Variants in MYOF observed in about 807,000 individuals in gnomAD.
MYOF encodes fer-1-like 3, myoferlin.
A neutral mutation model predicts 284.2 loss-of-function variants in MYOF; 244 were observed. The observed-to-expected ratio is 0.86, with a 90% CI of 0.77 to 0.95. The LOEUF (loss-of-function observed/expected upper bound fraction) is 0.95. Among genes scored for constraint, MYOF ranks in the 40% least tolerant of loss-of-function variants. The pLI is 0.00. For missense variants in MYOF, 2,496 were observed against 2,560.6 expected (o/e 0.97, Z 0.54); for synonymous variants, 904 against 919.7 (o/e 0.98, Z 0.31).
At position 93,412,151 on chromosome 10, in the gene MYOF, TG is replaced by T. The variant is rs1454216050; in HGVS notation, c.434-2413del. The stretch of plus-strand genomic sequence containing the variant: ...GTCCAGAAAGCTAAGGCAACTTGCC[TG>T]TGGTTAAGTTATTAGAAGCTGAGCT... On this transcript the variant is annotated intron_variant, in intron 5 of 53. Transcript: ENST00000359263. 2.0e-5 allele frequency among the ~76,000 whole-genome samples: 3 copies of T among 152,326 alleles called. No individual in the cohort carries two copies. The East Asian group carries it at 5.8e-4, about 29-fold the overall frequency.
rs1382563621 is a variant in MYOF, at chr10:93,363,962, G to A, written c.2867C>T (p.Ala956Val). The change falls in exon 27 of 54, where the codon GCG (alanine) becomes GTG (valine). Residue 956 changes from alanine to valine, a missense_variant and splice_region_variant. Physicochemically the swap from Ala to Val is moderately conservative, Grantham distance 64. This residue lies in a region of MYOF where 2,436 missense variants were observed against 2,480.7 expected (regional missense o/e 0.98). Coordinates refer to ENST00000359263, the MANE Select transcript of MYOF (RefSeq NM_013451.4). The part of the protein sequence containing the change: ...WKPAEDTYTD[A>V]NGDKAASPSE... ...TTCTCTCCGGAGCAGGCCACTCACC[G>A]CATCCGTGTAGGTGTCCTCGGCCGG... The A allele has an allele frequency of 1.1e-5, 18 of 1,613,646 alleles. No homozygotes were observed. The highest frequency in any genetic ancestry group is 1.4e-5 in the Non-Finnish European group (16 of 1,179,682).
At chr10:93,394,639 T>G (rs1846899313) in intron 16 of MYOF, among the ~76,000 whole-genome samples, 1 of 150,374 alleles carries the variant, frequency 6.7e-6, no homozygotes, top group African/African-American at 2.4e-5. Flanking sequence ...TTTTTGTATT[T>G]TTAATGGAGA....
intron 49 of MYOF, 151 bp from the exon 50 acceptor site, chr10:93,316,964 A>G: frequency 1.6e-6 from 1 of 610,450 alleles, no homozygotes; most frequent in South Asian, 2.1e-5. Context: ...CTGTACAGAG[A>G]GCAGTCAGGC....
At chr10:93,446,357 A>G (rs17108690) in intron 3 of MYOF, among the ~76,000 whole-genome samples, 10,213 of 152,284 alleles carry the variant, frequency 0.067, 918 homozygotes, top group African/African-American at 0.2. Context: ...GATGGCCTTC[A>G]GTCCAAAAGT....
chr10:93,459,588 C>T (rs914051071), intron 1 of MYOF, among the ~76,000 whole-genome samples: 4 of 152,158 alleles, frequency 2.6e-5, no homozygotes, highest in African/African-American at 9.7e-5. Context: ...GTGTTTGCCA[C>T]CATGCCACAG....
rs1218297846 is a variant in MYOF at position 93,445,786 on chromosome 10, C to T, written c.236+6264G>A. Among the ~76,000 whole-genome samples the T allele has an allele frequency of 2.6e-5, 4 of 152,318 alleles. No individual in the cohort carries two copies. The East Asian group carries it at 7.7e-4, about 29-fold the overall frequency. ...TGCAAAGTGAGGGCTCATGTTTGCA[C>T]AGGCCATCGCCATGGCAACAGGAAA... On this transcript the variant is annotated intron_variant, in intron 3 of 53. Coordinates refer to ENST00000359263, the MANE Select transcript of MYOF (RefSeq NM_013451.4).
Position 93,339,037 on chromosome 10 carries a change from G to A in MYOF, c.4338+1116C>T, listed in dbSNP as rs143958771. On this transcript the variant is annotated intron_variant, in intron 39 of 53. Coordinates refer to ENST00000359263, the MANE Select transcript of MYOF (RefSeq NM_013451.4). ...ACTTTTTTTTTTTTTTTTTTGAGAC[G>A]GAGTCTCACTCTGTTGCCCAGCTGG... Among the ~76,000 whole-genome samples the A allele has an allele frequency of 1.1e-3, 123 of 113,648 alleles. 1 individual carries two copies. Among genetic ancestry groups the A allele is most frequent in the African/African-American group, 3.7e-3 (118 of 31,974 alleles). 74.6% of individuals were successfully genotyped at this position (113,648 alleles called of 152,430 possible).
rs116580613 is a variant in MYOF at position 93,329,594 on chromosome 10, G to A, written c.4982+70C>T. On this transcript the variant is annotated intron_variant, in intron 44 of 53. Coordinates refer to ENST00000359263, the MANE Select transcript of MYOF (RefSeq NM_013451.4). Reference sequence around the variant, plus strand: ...CAGTGAAGGAAGGCACTAAGGTAGAGGGCCTAGGCCTCCCCAGGTGCCAAT... The same window carrying A: ...CAGTGAAGGAAGGCACTAAGGTAGAAGGCCTAGGCCTCCCCAGGTGCCAAT... 3.8e-4 allele frequency: 582 copies of A among 1,540,998 alleles called. 3 individuals carry two copies. In the African/African-American group the frequency reaches 7.4e-3, roughly 20 times the overall value.
intron 26 of MYOF, among the ~76,000 whole-genome samples, chr10:93,364,713 G>A (rs7092933): frequency 0.049 from 7,439 of 152,222 alleles, 581 homozygotes; most frequent in African/African-American, 0.17. Context: ...TGGACAACCC[G>A]CAGAGGAAAG....
intron 3 of MYOF, among the ~76,000 whole-genome samples, chr10:93,451,131 G>C (rs945242676): frequency 7.2e-5 from 11 of 152,084 alleles, no homozygotes; most frequent in Non-Finnish European, 1.6e-4. Context: ...CCTGAGGTAA[G>C]GAGTTCAAGA....
intron 16 of MYOF, among the ~76,000 whole-genome samples, chr10:93,394,944 G>C (rs1589497582): frequency 6.6e-6 from 1 of 150,398 alleles, no homozygotes; most frequent in Middle Eastern, 3.2e-3. Context: ...ATAATAACCA[G>C]GTTCTTATTT....
chr10:93,388,925 AG>A, intron 18 of MYOF, 104 bp downstream of exon 18: 1 of 1,414,690 alleles, frequency 7.1e-7, no homozygotes, highest in East Asian at 2.4e-5. Flanking sequence ...TCTAAGTCTT[AG>A]GGAGTATGAA....
At chr10:93,463,811 G>T (rs1187613640) in intron 1 of MYOF, among the ~76,000 whole-genome samples, 1 of 150,078 alleles carries the variant, frequency 6.7e-6, no homozygotes, top group Non-Finnish European at 1.5e-5. Flanking sequence ...GGTCAAGGCT[G>T]CAGTGGCCAC....
chr10:93,448,183 C>A (rs2056488650), intron 3 of MYOF, among the ~76,000 whole-genome samples: 1 of 152,258 alleles, frequency 6.6e-6, no homozygotes, highest in South Asian at 2.1e-4. Flanking sequence ...CTATTCTCTG[C>A]CCAGAATATT....
intron 49 of MYOF, 128 bp downstream of exon 49, chr10:93,319,744 C>T: frequency 7.8e-7 from 1 of 1,274,804 alleles, no homozygotes; most frequent in Non-Finnish European, 1.1e-6. Flanking sequence ...GGCAGATTCC[C>T]CATCTCTGCT....
chr10:93,351,970 A>G lies in MYOF; in HGVS notation c.3482-124T>C, dbSNP rs1844543384. The G allele has an allele frequency of 4.5e-6, 4 of 890,696 alleles. No individual in the cohort carries two copies. The South Asian group carries it at 7.8e-5, about 17-fold the overall frequency. The allele number at this position is 890,696 out of a possible 1,614,324, so 55.2% of individuals were successfully genotyped here. A position where few individuals can be genotyped will look rare whatever the true frequency, so the allele number is the denominator to read the frequency against. Reference sequence around the variant, plus strand: ...CAGTGGGCTCTGACCACCTGCCTGGAGATAGGGTTTCTAGGGAGCAGGGAG... The same window carrying G: ...CAGTGGGCTCTGACCACCTGCCTGGGGATAGGGTTTCTAGGGAGCAGGGAG... On this transcript the variant is annotated intron_variant, in intron 32 of 53. Transcript: ENST00000359263.
chr10:93,425,974 G>T, intron 5 of MYOF, 97 bp downstream of exon 5: 2 of 1,281,136 alleles, frequency 1.6e-6, no homozygotes, highest in Non-Finnish European at 2.2e-6. Flanking sequence ...GGAGCTACAG[G>T]CTTGTGATCA....
intron 29 of MYOF, among the ~76,000 whole-genome samples, chr10:93,359,159 G>A (rs909500544): frequency 1.3e-5 from 2 of 152,100 alleles, no homozygotes; most frequent in African/African-American, 4.8e-5. Flanking sequence ...ACTTAGCCCG[G>A]GTTCCAGCAC....
At chr10:93,407,350 C>T (rs1239313345) in intron 7 of MYOF, among the ~76,000 whole-genome samples, 1 of 141,956 alleles carries the variant, frequency 7.0e-6, no homozygotes, top group Non-Finnish European at 1.5e-5. Flanking sequence ...ATTGCCTTAG[C>T]CTGGGAGGTG....
Sources: gnomAD v4.1 joint callset for allele counts (sites outside exome capture counted in the v4.1 genomes callset) on GRCh38, gnomAD v4.1.1 for gene constraint, gnomAD v4.1.1 regional missense constraint, MANE v1.5 for transcripts, NCBI Gene and HGNC (gene_info 2026-07-23, HGNC 2026-07-21) for gene names.